ELAVL4: variants seen among roughly 807,000 people sequenced by gnomAD.
ELAVL4 encodes ELAV like RNA binding protein 4.
In ELAVL4, 1 loss-of-function variant was observed where a neutral mutation model predicts 35.6. The ratio of observed to expected loss-of-function variants is 0.03; its 90% CI spans 0.01 to 0.13. The LOEUF is 0.13. Ranked by LOEUF, ELAVL4 falls within the 10% of genes least tolerant of loss-of-function variation. The pLI, the probability that ELAVL4 is intolerant of heterozygous loss-of-function variation, is 1.00. For synonymous variants in ELAVL4, 156 were observed against 171.0 expected, an observed-to-expected ratio of 0.91 and a Z score of 0.69; for missense variants, 267 against 464.9, an observed-to-expected ratio of 0.57 and a Z score of 3.91.
intron 1 of ELAVL4, among the ~76,000 whole-genome samples, chr1:50,051,264 TTTTTA>T (rs780118559): frequency 3.8e-4 from 58 of 152,310 alleles, no homozygotes; most frequent in Non-Finnish European, 7.2e-4. Context: ...CCCTCAAGCC[TTTTTA>T]TTTTTACTTC....
rs776306356 is a variant in ELAVL4 at position 50,200,970 on chromosome 1, T to C, written c.893T>C (p.Val298Ala). The stretch of plus-strand genomic sequence containing the variant: ...CTGTCCCCCGATTCCGATGAGAGTG[T>C]CCTCTGGCAGCTCTTTGGCCCCTTT... ...YNLSPDSDES[V>A]LWQLFGPFGA... The change falls in exon 7 of 7, where the codon GTC becomes GCC. Residue 298 changes from valine (V) to alanine (A), a missense_variant. By Grantham distance (64) the Val-to-Ala change is moderately conservative. Around this residue, in one of 2 missense-constraint regions of ELAVL4, gnomAD observed 216 missense variants for 409.5 expected, o/e 0.53. Coordinates refer to ENST00000371824, the MANE Select transcript of ELAVL4 (RefSeq NM_001144774.3). 3 of 1,614,044 alleles carry C rather than the reference T, an allele frequency of 1.9e-6. No homozygotes were observed. The highest frequency in any genetic ancestry group is 2.5e-6 in the Non-Finnish European group (3 of 1,179,982).
chr1:50,058,207 A>T (rs997058066), intron 1 of ELAVL4, among the ~76,000 whole-genome samples: 1 of 152,194 alleles, frequency 6.6e-6, no homozygotes, highest in Non-Finnish European at 1.5e-5. Context: ...TAGATAAATG[A>T]TGTTCTGTGG....
At chr1:50,176,615 T>C (rs1392120301) in intron 2 of ELAVL4, among the ~76,000 whole-genome samples, 2 of 152,210 alleles carry the variant, frequency 1.3e-5, no homozygotes, top group African/African-American at 2.4e-5. Flanking sequence ...CTCTCAAACC[T>C]ACCTGAGGTA....
At chr1:50,141,782 T>C (rs1433116140) in intron 1 of ELAVL4, 1 of 152,206 alleles carries the variant, frequency 6.6e-6, no homozygotes. Flanking sequence ...CCTTCTAGAA[T>C]CCTAAAGTTG....
chr1:50,125,824 G>A (rs1039589906), intron 1 of ELAVL4, among the ~76,000 whole-genome samples: 72 of 152,164 alleles, frequency 4.7e-4, no homozygotes, highest in Admixed American at 9.2e-4. Flanking sequence ...TTCCATGAGT[G>A]TTCTGCTGGT....
At chr1:50,192,300 G>T (rs1446151102) in intron 3 of ELAVL4, among the ~76,000 whole-genome samples, 5 of 152,092 alleles carry the variant, frequency 3.3e-5, no homozygotes, top group African/African-American at 1.2e-4. Flanking sequence ...CTATTTTTAG[G>T]CATGGAACCC....
rs1324542602 is a variant in ELAVL4 at position 50,076,428 on chromosome 1, T to G, written c.18+28246T>G. 2.0e-5 allele frequency among the ~76,000 whole-genome samples: 3 copies of G among 152,240 alleles called. No individual in the cohort carries two copies. In the East Asian group the frequency reaches 5.8e-4, roughly 29 times the overall value. On this transcript the variant is annotated intron_variant, in intron 1 of 6. Transcript: ENST00000448907. ...ATTATTAGTTATTATTGTTGATCTC[T>G]TACTGTGCTTACTTCATAAATTAAA...
At chr1:50,182,270 G>A (rs557964801) in intron 3 of ELAVL4, among the ~76,000 whole-genome samples, 2 of 152,224 alleles carry the variant, frequency 1.3e-5, no homozygotes, top group Non-Finnish European at 2.9e-5. Flanking sequence ...CAAAGTTTTG[G>A]ATTGATGTTC....
At chr1:50,196,168 G>C (rs17381033) in intron 5 of ELAVL4, among the ~76,000 whole-genome samples, 1 of 152,192 alleles carries the variant, frequency 6.6e-6, no homozygotes, top group African/African-American at 2.4e-5. Context: ...AGACCATAAG[G>C]CAGATCCTTG....
chr1:50,109,873 A>G lies in ELAVL4; in HGVS notation c.9+675A>G, dbSNP rs568027914. The G allele has an allele frequency of 3.9e-4, 623 of 1,601,738 alleles. 1 individual carries two copies. In the African/African-American group the frequency reaches 7.7e-3, roughly 20 times the overall value. Reference sequence around the variant, plus strand: ...CAGCAGCTCTGTAAGAAGGAATGTCAGCTTTTACATAACGTTCCTTTCCGC... The same window carrying G: ...CAGCAGCTCTGTAAGAAGGAATGTCGGCTTTTACATAACGTTCCTTTCCGC... On this transcript the variant is annotated intron_variant, in intron 1 of 6. Coordinates refer to ENST00000371824, the MANE Select transcript of ELAVL4 (RefSeq NM_001144774.3).
In ELAVL4 at chr1:50,140,245, G is replaced by C. The variant is rs150754934; in HGVS notation, c.10-4712G>C. ...TTCATTAAAGTACATATGCACACTTGAGTAACTGATATATTTATTTGCAAT... is the reference window on the plus strand; with the variant it reads ...TTCATTAAAGTACATATGCACACTTCAGTAACTGATATATTTATTTGCAAT... On this transcript the variant is annotated intron_variant, in intron 1 of 6. Transcript: ENST00000371824. Among the ~76,000 whole-genome samples, 169 of 152,344 alleles carry C rather than the reference G, an allele frequency of 1.1e-3. 1 individual carries two copies. Among genetic ancestry groups the C allele is most frequent in the African/African-American group, 3.6e-3 (148 of 41,596 alleles).
At chr1:50,103,299 T>C (rs1204657883), upstream of ELAVL4, among the ~76,000 whole-genome samples, 1 of 152,190 alleles carries the variant, frequency 6.6e-6, no homozygotes, top group Non-Finnish European at 1.5e-5. Context: ...GACTATCAGG[T>C]CATATATCTC....
intron 1 of ELAVL4, among the ~76,000 whole-genome samples, chr1:50,079,873 T>C (rs1664932126): frequency 6.6e-6 from 1 of 152,234 alleles, no homozygotes; most frequent in South Asian, 2.1e-4. Context: ...ATAAAACTCA[T>C]GCAGTTAGTA....
intron 1 of ELAVL4, among the ~76,000 whole-genome samples, chr1:50,143,717 A>G (rs570786493): frequency 6.6e-6 from 1 of 152,176 alleles, no homozygotes; most frequent in South Asian, 2.1e-4. Context: ...CAAATAGAGG[A>G]CGGTGTAAGA....
At chr1:50,152,915 T>G (rs1675047233) in intron 2 of ELAVL4, among the ~76,000 whole-genome samples, 1 of 152,214 alleles carries the variant, frequency 6.6e-6, no homozygotes, top group Non-Finnish European at 1.5e-5. Flanking sequence ...TTATTTAGTG[T>G]CTACTCTCTC....
chr1:50,189,232 A>G (rs547592638), intron 3 of ELAVL4, among the ~76,000 whole-genome samples: 2 of 152,204 alleles, frequency 1.3e-5, no homozygotes, highest in East Asian at 3.9e-4. Context: ...GTATTGCTGG[A>G]TGATTCAGGG....
At chr1:50,068,466 T>A (rs762373700) in intron 1 of ELAVL4, among the ~76,000 whole-genome samples, 1 of 151,936 alleles carries the variant, frequency 6.6e-6, no homozygotes, top group Non-Finnish European at 1.5e-5. Flanking sequence ...AGTAGTAGAG[T>A]GTAGAAGGGC....
intron 1 of ELAVL4, among the ~76,000 whole-genome samples, chr1:50,062,824 A>C (rs778168141): frequency 6.6e-6 from 1 of 152,218 alleles, no homozygotes; most frequent in African/African-American, 2.4e-5. Flanking sequence ...CATGCTTTCT[A>C]TCTTGCTTCC....
At position 50,109,196 on chromosome 1, in the gene ELAVL4, A is replaced by G; in HGVS notation, c.7A>G (p.Met3Val). The change falls in exon 1 of 7, where the codon ATG becomes GTG. Residue 3 changes from methionine to valine, a missense_variant and splice_region_variant. Around this residue, in one of 2 missense-constraint regions of ELAVL4, gnomAD observed 51 missense variants for 55.4 expected, o/e 0.92. Coordinates refer to ENST00000371824, the MANE Select transcript of ELAVL4 (RefSeq NM_001144774.3). ...CCAATATTTGCCAATAAGAATGGTT[A>G]TGGTAGGTATGACTAGATTTATAAT... MV[M>V]IISTMEPQVS... 1.2e-6 allele frequency: 2 copies of G among 1,612,394 alleles called. No individual in the cohort carries two copies. The highest frequency in any genetic ancestry group is 1.7e-6 in the Non-Finnish European group (2 of 1,179,126).
Sources: allele counts gnomAD v4.1 joint callset (sites outside exome capture counted in the v4.1 genomes callset), GRCh38; gene constraint gnomAD v4.1.1; regional missense constraint gnomAD v4.1.1; transcripts MANE v1.5; gene names NCBI Gene and HGNC (gene_info 2026-07-23, HGNC 2026-07-21).